Variants in UBE2U observed in about 807,000 individuals in gnomAD.
UBE2U encodes ubiquitin-conjugating enzyme E2 U.
A neutral mutation model predicts 41.2 loss-of-function variants in UBE2U; 39 were observed. That is an observed-to-expected ratio of 0.95 (90% CI 0.73 to 1.24). The LOEUF (loss-of-function observed/expected upper bound fraction) is 1.24. Ranked by LOEUF, UBE2U falls within the 50% of genes most tolerant of loss-of-function variation. UBE2U has a pLI of 0.00. For synonymous variants in UBE2U, 107 were observed against 117.8 expected (o/e 0.91, Z 0.60); for missense variants, 336 against 363.1 (o/e 0.93, Z 0.61).
In UBE2U at chr1:64,210,498, C is replaced by T. The variant is rs1496027; in HGVS notation, c.242-244C>T. 8.2e-3 allele frequency among the ~76,000 whole-genome samples: 1,246 copies of T among 152,254 alleles called. 16 individuals carry two copies. The highest frequency in any genetic ancestry group is 0.028 in the African/African-American group (1,180 of 41,526). ...ATGTCCCACAACAAAAACTTAGTCA[C>T]AAGGCCACATCTTGCTAAAGGAGAG... is the stretch of plus-strand genomic sequence containing the variant. On this transcript the variant is annotated intron_variant, in intron 3 of 9. Coordinates refer to ENST00000371077, the MANE Select transcript of UBE2U (RefSeq NM_001366232.2).
rs1557731681 is a variant in UBE2U, at chr1:64,239,193, A to ACG, written c.596-2459_596-2458insCG. ...AGAAGAAGAAGAAGAAGAAGAAGAA[A>ACG]GCCCCAGACAAGGACAAGACTGGTG... On this transcript the variant is annotated intron_variant, in intron 7 of 9. Coordinates refer to ENST00000371077, the MANE Select transcript of UBE2U (RefSeq NM_001366232.2). Among the ~76,000 whole-genome samples the ACG allele has an allele frequency of 1.6e-4, 22 of 134,998 alleles. 1 individual carries two copies. The South Asian group carries it at 5.0e-3, about 31-fold the overall frequency. The allele number at this position is 134,998 out of a possible 152,430, so 88.6% of individuals were successfully genotyped here.
intron 7 of UBE2U, among the ~76,000 whole-genome samples, chr1:64,237,052 T>C (rs138461737): frequency 2.4e-4 from 36 of 152,288 alleles, no homozygotes; most frequent in Non-Finnish European, 4.4e-4. Flanking sequence ...TCCTTAGCCC[T>C]GTATCAGTTT....
At chr1:64,223,883 G>C (rs1230371901) in intron 6 of UBE2U, among the ~76,000 whole-genome samples, 1 of 152,170 alleles carries the variant, frequency 6.6e-6, no homozygotes. Context: ...TGGAGCTACA[G>C]CAGGACATCT....
intron 8 of UBE2U, among the ~76,000 whole-genome samples, chr1:64,251,102 G>GC (rs1017422587): frequency 4.0e-5 from 6 of 150,292 alleles, no homozygotes; most frequent in East Asian, 3.9e-4. Flanking sequence ...ATCCTTCCCC[G>GC]CCCCCCCAAA....
In UBE2U at chr1:64,251,026, C is replaced by T. The variant is rs575782522; in HGVS notation, c.677+9293C>T. On this transcript the variant is annotated intron_variant, in intron 8 of 9. Coordinates refer to ENST00000371077, the MANE Select transcript of UBE2U (RefSeq NM_001366232.2). ...CATGTATACATATGTAACCAACCTGCAGGTTGTGCACATGTACCCTAAAAC... is the reference window on the plus strand; with the variant it reads ...CATGTATACATATGTAACCAACCTGTAGGTTGTGCACATGTACCCTAAAAC... 1.6e-3 allele frequency among the ~76,000 whole-genome samples: 249 copies of T among 151,878 alleles called. 1 individual carries two copies. The highest frequency in any genetic ancestry group is 5.9e-3 in the African/African-American group (243 of 41,374).
intron 7 of UBE2U, among the ~76,000 whole-genome samples, chr1:64,234,285 A>T (rs1644626024): frequency 6.6e-6 from 1 of 152,140 alleles, no homozygotes; most frequent in South Asian, 2.1e-4. Context: ...TTAGTGGTAG[A>T]TCACTAATTT....
chr1:64,213,496 A>G (rs1001090892), intron 4 of UBE2U, among the ~76,000 whole-genome samples: 15 of 152,144 alleles, frequency 9.9e-5, no homozygotes, highest in Admixed American at 9.8e-4. Context: ...ACCCAACAGT[A>G]CCCTGAGCAG....
At chr1:64,226,080 T>C (rs567482545) in intron 6 of UBE2U, among the ~76,000 whole-genome samples, 1 of 152,340 alleles carries the variant, frequency 6.6e-6, no homozygotes, top group South Asian at 2.1e-4. Flanking sequence ...TCGTAGCAGC[T>C]TTATTTATAA....
chr1:64,239,062 A>AGAAGAGGAAGAG lies in UBE2U; in HGVS notation c.596-2566_596-2555dup, dbSNP rs1273395992. ...CATCTCAAAAAGAAGAAGAAGAAGA[A>AGAAGAGGAAGAG]GAAGAGGAAGAGGAAGAGGAAGAGG... is the stretch of plus-strand genomic sequence containing the variant. On this transcript the variant is annotated intron_variant, in intron 7 of 9. Coordinates refer to ENST00000371077, the MANE Select transcript of UBE2U (RefSeq NM_001366232.2). Among the ~76,000 whole-genome samples the AGAAGAGGAAGAG allele has an allele frequency of 5.6e-5, 4 of 71,284 alleles. No homozygotes were observed. In the East Asian group the frequency reaches 9.4e-4, roughly 17 times the overall value. The allele number at this position is 71,284 out of a possible 152,430, so 46.8% of individuals were successfully genotyped here. A position where few individuals can be genotyped will look rare whatever the true frequency, so the allele number is the denominator to read the frequency against.
intron 6 of UBE2U, 84 bp from the exon 7 acceptor site, chr1:64,232,477 G>T (rs1644585098): frequency 2.3e-6 from 2 of 873,864 alleles, no homozygotes; most frequent in Non-Finnish European, 3.5e-6. Flanking sequence ...AAGATATTAT[G>T]TGAACAGTCC....
At chr1:64,241,619 G>A (rs372137562) in intron 7 of UBE2U, 33 bp from the exon 8 acceptor site, 15 of 1,459,646 alleles carry the variant, frequency 1.0e-5, no homozygotes, top group Non-Finnish European at 1.4e-5. Flanking sequence ...AAGAATGTAT[G>A]TATAGCTTCT....
At chr1:64,244,302 A>G (rs1644884842) in intron 8 of UBE2U, 10 of 1,086,522 alleles carry the variant, frequency 9.2e-6, no homozygotes, top group Non-Finnish European at 1.1e-5. Context: ...TTTTATATAT[A>G]TGATTTCATT....
chr1:64,223,424 G>A (rs556841532), intron 6 of UBE2U, among the ~76,000 whole-genome samples: 2 of 152,260 alleles, frequency 1.3e-5, no homozygotes, highest in South Asian at 2.1e-4. Context: ...TATCAAGATC[G>A]TGGCTAAGGG....
intron 7 of UBE2U, among the ~76,000 whole-genome samples, chr1:64,238,401 TA>T (rs779337375): frequency 0.025 from 3,339 of 135,904 alleles, 40 homozygotes; most frequent in African/African-American, 0.041. Context: ...GAGACTATCT[TA>T]AAAAAAAAAA....
intron 6 of UBE2U, among the ~76,000 whole-genome samples, chr1:64,230,394 G>A (rs17126249): frequency 0.057 from 8,640 of 152,150 alleles, 320 homozygotes; most frequent in South Asian, 0.12. Context: ...ACTTTAAACC[G>A]TTCTCTGCCT....
intron 7 of UBE2U, among the ~76,000 whole-genome samples, chr1:64,239,068 G>GGAAGAGGAA (rs1557729361): frequency 6.2e-4 from 40 of 64,906 alleles, no homozygotes; most frequent in Admixed American, 5.3e-3. Flanking sequence ...AAGAAGAAGA[G>GGAAGAGGAA]GAAGAGGAAG....
intron 7 of UBE2U, among the ~76,000 whole-genome samples, chr1:64,236,051 G>C (rs1644661572): frequency 6.6e-6 from 1 of 152,134 alleles, no homozygotes; most frequent in Non-Finnish European, 1.5e-5. Context: ...AGATTTACCA[G>C]AGTTTCATCC....
At chr1:64,228,712 C>T (rs796259298) in intron 6 of UBE2U, among the ~76,000 whole-genome samples, 1 of 112,504 alleles carries the variant, frequency 8.9e-6, no homozygotes, top group African/African-American at 3.5e-5. Context: ...TTTTTTAAGA[C>T]AGAGTCTTGC....
chr1:64,244,243 A>G, intron 8 of UBE2U: 1 of 1,468,426 alleles, frequency 6.8e-7, no homozygotes, highest in Non-Finnish European at 9.1e-7. Context: ...TGTTAAATGG[A>G]GATAACCTTA....
Sources: allele counts gnomAD v4.1 joint callset (sites outside exome capture counted in the v4.1 genomes callset), GRCh38; gene constraint gnomAD v4.1.1; transcripts MANE v1.5; gene names NCBI Gene and HGNC (gene_info 2026-07-23, HGNC 2026-07-21).